The following NRL variants were observed in gnomAD, a reference collection of about 807,000 sequenced individuals.
The protein encoded by NRL is neural retina-specific leucine zipper protein.
A neutral mutation model predicts 12.5 loss-of-function variants in NRL; 16 were observed. That is an observed-to-expected ratio of 1.28 (90% CI 0.87 to 1.95). NRL has a LOEUF of 1.95. Among genes scored for constraint, NRL ranks in the 30% most tolerant of loss-of-function variants. The pLI, the probability that NRL is intolerant of heterozygous loss-of-function variation, is 0.00. For synonymous variants in NRL, 142 were observed against 150.9 expected (o/e 0.94, Z 0.43); for missense variants, 314 against 325.8 (o/e 0.96, Z 0.28).
intron 1 of NRL, among the ~76,000 whole-genome samples, chr14:24,106,484 G>A (rs2037340553): frequency 6.6e-6 from 1 of 152,136 alleles, no homozygotes; most frequent in Admixed American, 6.6e-5. Flanking sequence ...ACTTTGGGAG[G>A]CCGAGGTGGG....
At chr14:24,087,518 C>T (rs1381212427) in intron 1 of NRL, among the ~76,000 whole-genome samples, 1 of 152,156 alleles carries the variant, frequency 6.6e-6, no homozygotes, top group Non-Finnish European at 1.5e-5. Flanking sequence ...TACCTCCTCT[C>T]CTCTGTCCTG....
rs745884414 is a variant in NRL, at chr14:24,098,284, G to A, written c.-27-15409C>T. The A allele has an allele frequency of 7.4e-6, 12 of 1,613,992 alleles. No individual in the cohort carries two copies. The South Asian group carries it at 7.7e-5, about 10-fold the overall frequency. ...TTGTAACTCCTTCTCAGCGGGACAC[G>A]GTACCACTCCCGCCTGGTGGGGCCC... is the stretch of plus-strand genomic sequence containing the variant. On this transcript the variant is annotated intron_variant, in intron 1 of 2. Coordinates refer to ENST00000561028, the MANE Select transcript of NRL (RefSeq NM_001354768.3).
chr14:24,102,654 A>C, intron 1 of NRL: 1 of 951,334 alleles, frequency 1.1e-6, no homozygotes, highest in Non-Finnish European at 1.5e-6. Context: ...GATGAGGCAA[A>C]AAAAAAAAAA....
At position 24,081,030 on chromosome 14, in the gene NRL, G is replaced by C. The variant is rs973635554; in HGVS notation, c.*206C>G. ...GGCTGGGTTTCTGTGTTCGTAAGGG[G>C]AGGGGACCCCTCTCCAGAAAATGAC... On this transcript the variant is annotated 3_prime_UTR_variant, in exon 3 of 3. Coordinates refer to ENST00000561028, the MANE Select transcript of NRL (RefSeq NM_001354768.3). This position sits in a 1 kb window ranked among gnomAD's most constrained non-coding sequence, Gnocchi z 4.4. 2.5e-6 allele frequency: 1 copy of C among 404,952 alleles called. No individual in the cohort carries two copies. Among genetic ancestry groups the C allele is most frequent in the African/African-American group, 2.1e-5 (1 of 48,140 alleles). The allele number at this position is 404,952 out of a possible 1,614,324, so 25.1% of individuals were successfully genotyped here. A position where few individuals can be genotyped will look rare whatever the true frequency, so the allele number is the denominator to read the frequency against.
chr14:24,105,881 G>C (rs2037330886), intron 1 of NRL, among the ~76,000 whole-genome samples: 1 of 152,148 alleles, frequency 6.6e-6, no homozygotes, highest in South Asian at 2.1e-4. Context: ...CTCCAGCCTG[G>C]GGGACAGAGC....
rs1217980053 is a variant in NRL, at chr14:24,082,772, T to TC, written c.76dup (p.Glu26GlyfsTer4). On this transcript the variant is annotated frameshift_variant, in exon 2 of 3. Transcript: ENST00000561028. LOFTEE classifies it high-confidence loss of function. ...GGGGCCAGGTCGGCCCTCAGAGGGT[T>TC]CCCGCTTTACCTCAAACTTCATCAA... The TC allele has an allele frequency of 3.1e-6, 5 of 1,614,068 alleles. No homozygotes were observed. In the Admixed American group the frequency reaches 8.3e-5, roughly 27 times the overall value.
At position 24,102,680 on chromosome 14, in the gene NRL, G is replaced by A. The variant is rs558732529; in HGVS notation, c.-28+12042C>T. The stretch of plus-strand genomic sequence containing the variant: ...AAAAAAAAAAGAACCCTGCAAGAAT[G>A]TGTGCCCATGTATGTGTGTGTTGGG... On this transcript the variant is annotated intron_variant, in intron 1 of 2. Transcript: ENST00000561028. 100 of 1,212,598 alleles carry A rather than the reference G, an allele frequency of 8.2e-5. No homozygotes were observed. The African/African-American group carries it at 1.4e-3, about 17-fold the overall frequency. The allele number at this position is 1,212,598 out of a possible 1,614,324, so 75.1% of individuals were successfully genotyped here. A position where few individuals can be genotyped will look rare whatever the true frequency, so the allele number is the denominator to read the frequency against.
At chr14:24,098,637 T>A (rs1271044230) in intron 1 of NRL, 1 of 1,613,992 alleles carries the variant, frequency 6.2e-7, no homozygotes, top group Admixed American at 1.7e-5. Context: ...GGTGACTTTG[T>A]CAAGTGTCTG....
At chr14:24,093,988 A>G (rs543695082) in intron 1 of NRL, 2 of 501,276 alleles carry the variant, frequency 4.0e-6, no homozygotes, top group African/African-American at 2.0e-5. Context: ...CCTCGTTCCT[A>G]GCTTGTTTGC....
intron 1 of NRL, among the ~76,000 whole-genome samples, chr14:24,113,372 G>A (rs2139000921): frequency 6.7e-6 from 1 of 149,658 alleles, no homozygotes; most frequent in Admixed American, 6.6e-5. Context: ...AAAACTTAGA[G>A]TATAATAAAA....
rs2036351422 is a variant in NRL, at chr14:24,082,654, G to A, written c.195C>T (p.Thr65=). ...EPGMVGATEG[T]RPGLEELYWL... ...AGTACAGCTCCTCCAGGCCTGGCCG[G>A]GTGCCCTCGGTTGCCCCCACCATGC... is the stretch of plus-strand genomic sequence containing the variant. The change falls in exon 2 of 3, where the codon ACC becomes ACT. Residue 65 remains threonine, a synonymous_variant. Transcript: ENST00000561028. The A allele has an allele frequency of 6.2e-7, 1 of 1,613,920 alleles. No individual in the cohort carries two copies. The highest frequency in any genetic ancestry group is 1.3e-5 in the African/African-American group (1 of 74,938).
At chr14:24,104,078 A>T in intron 1 of NRL, 1 of 692,280 alleles carries the variant, frequency 1.4e-6, no homozygotes, top group South Asian at 1.8e-5. Flanking sequence ...TGTGCCATAG[A>T]CCTTCCCACA....
Position 24,099,956 on chromosome 14 carries a change from C to T in NRL, c.-28+14766G>A. On this transcript the variant is annotated intron_variant, in intron 1 of 2. Transcript: ENST00000561028. The stretch of plus-strand genomic sequence containing the variant: ...TCTTTGGTCTTACATCTCAAGTTTT[C>T]CTTGTTTGGTCCTTCCTTTCTTTCA... 3 of 1,614,114 alleles carry T rather than the reference C, an allele frequency of 1.9e-6. No individual in the cohort carries two copies. The Middle Eastern group carries it at 4.9e-4, about 266-fold the overall frequency.
rs556617020 is a variant in NRL, at chr14:24,092,718, A to G, written c.-27-9843T>C. 2.2e-4 allele frequency among the ~76,000 whole-genome samples: 34 copies of G among 152,362 alleles called. 1 individual carries two copies. The highest frequency in any genetic ancestry group is 7.0e-4 in the African/African-American group (29 of 41,586). On this transcript the variant is annotated intron_variant, in intron 1 of 2. Transcript: ENST00000561028. ...GGAGACCAGCTCTCCTTATCCCACT[A>G]TGTTCCAGCATAGAACTCCAAGAAA... is the stretch of plus-strand genomic sequence containing the variant.
At chr14:24,089,981 G>A (rs2036570470) in intron 1 of NRL, among the ~76,000 whole-genome samples, 2 of 152,194 alleles carry the variant, frequency 1.3e-5, no homozygotes, top group Non-Finnish European at 2.9e-5. Context: ...GGCTGGAGAA[G>A]TCAGCAGGGG....
chr14:24,099,185 C>T (rs1178479733), intron 1 of NRL: 1 of 1,606,820 alleles, frequency 6.2e-7, no homozygotes, highest in South Asian at 1.1e-5. Flanking sequence ...TTGCCCTACG[C>T]ATCGCCTCTC....
chr14:24,103,221 G>A (rs1271899328), intron 1 of NRL: 1 of 1,614,076 alleles, frequency 6.2e-7, no homozygotes, highest in Non-Finnish European at 8.5e-7. Context: ...GCAGCGCCAT[G>A]CGCTCTGAGT....
intron 1 of NRL, chr14:24,103,899 C>G (rs768735932): frequency 1.9e-6 from 3 of 1,614,140 alleles, no homozygotes; most frequent in South Asian, 1.1e-5. Flanking sequence ...GCAGGTCAAC[C>G]AGGATCTGCC....
At chr14:24,113,458 G>T (rs1427115906) in intron 1 of NRL, among the ~76,000 whole-genome samples, 5 of 152,254 alleles carry the variant, frequency 3.3e-5, no homozygotes, top group African/African-American at 1.2e-4. Context: ...GATTTTCCAG[G>T]CTGGATAACC....
Sources: allele counts gnomAD v4.1 joint callset (sites outside exome capture counted in the v4.1 genomes callset), GRCh38; gene constraint gnomAD v4.1.1; non-coding constraint Gnocchi (gnomAD v3.1); transcripts MANE v1.5; gene names NCBI Gene and HGNC (gene_info 2026-07-23, HGNC 2026-07-21).